RNLS: variants seen among roughly 807,000 people sequenced by gnomAD.
The protein encoded by RNLS is renalase.
A neutral mutation model predicts 39.8 loss-of-function variants in RNLS; 39 were observed. The observed-to-expected ratio is 0.98, with a 90% CI of 0.76 to 1.28. RNLS has a LOEUF of 1.28. Ranked by LOEUF, RNLS falls within the 50% of genes most tolerant of loss-of-function variation. RNLS has a pLI of 0.00. For missense variants in RNLS, 410 were observed against 413.3 expected (o/e 0.99, Z 0.07); for synonymous variants, 147 against 150.7 (o/e 0.98, Z 0.18).
intron 4 of RNLS, among the ~76,000 whole-genome samples, chr10:88,501,917 T>C (rs577168955): frequency 2.0e-5 from 3 of 152,304 alleles, no homozygotes; most frequent in South Asian, 2.1e-4. Context: ...TATAATAATA[T>C]GGAAACAGCC....
the RNLS span, among the ~76,000 whole-genome samples, chr10:88,184,443 C>A: frequency 6.6e-6 from 1 of 152,194 alleles, no homozygotes; most frequent in South Asian, 2.1e-4. Flanking sequence ...ATTGAATAAT[C>A]AGTATAGGTT....
intron 4 of RNLS, among the ~76,000 whole-genome samples, chr10:88,440,501 G>C (rs1159439050): frequency 6.6e-6 from 1 of 152,120 alleles, no homozygotes; most frequent in African/African-American, 2.4e-5. Flanking sequence ...TCATACAATG[G>C]GAAGCCCCCA....
At chr10:88,391,103 A>T (rs1419353043) in intron 4 of RNLS, among the ~76,000 whole-genome samples, 1 of 152,214 alleles carries the variant, frequency 6.6e-6, no homozygotes, top group African/African-American at 2.4e-5. Flanking sequence ...TGAAAATATA[A>T]CTGCAATAAT....
the RNLS span, among the ~76,000 whole-genome samples, chr10:88,172,978 T>TC: frequency 6.7e-6 from 1 of 148,306 alleles, no homozygotes; most frequent in Non-Finnish European, 1.5e-5. Flanking sequence ...TGCCTCAGCC[T>TC]CCCCACTAGC....
chr10:88,366,670 A>G (rs1850133187), intron 4 of RNLS, among the ~76,000 whole-genome samples: 1 of 145,824 alleles, frequency 6.9e-6, no homozygotes, highest in African/African-American at 2.5e-5. Flanking sequence ...TCTGAAAAAA[A>G]AAAAAAAAAA....
the RNLS span, among the ~76,000 whole-genome samples, chr10:88,202,242 G>A: frequency 7.3e-6 from 1 of 137,164 alleles, no homozygotes; most frequent in Non-Finnish European, 1.5e-5. Flanking sequence ...GGTGGGAATT[G>A]AACAATGAGA....
At chr10:88,225,915 A>AT in the RNLS span, among the ~76,000 whole-genome samples, 12,612 of 150,404 alleles carry the variant, frequency 0.084, 613 homozygotes, top group Non-Finnish European at 0.1. Flanking sequence ...TCAGTGTCCT[A>AT]TTTTTTTTTT....
rs192116943 is a variant in RNLS at position 88,549,459 on chromosome 10, G to A, written c.526+23444C>T. Among the ~76,000 whole-genome samples, 124 of 152,036 alleles carry A rather than the reference G, an allele frequency of 8.2e-4. 1 individual carries two copies. Among genetic ancestry groups the A allele is most frequent in the Middle Eastern group, 3.4e-3 (1 of 294 alleles). On this transcript the variant is annotated intron_variant, in intron 4 of 6. Coordinates refer to ENST00000331772, the MANE Select transcript of RNLS (RefSeq NM_001031709.3). ...TATGCACCTATAGTCCCAGCTACTC[G>A]GGAGGCTGAAGCAGGAGGATCAATT...
intron 4 of RNLS, among the ~76,000 whole-genome samples, chr10:88,446,950 C>T (rs1283301653): frequency 6.6e-6 from 1 of 152,164 alleles, no homozygotes; most frequent in African/African-American, 2.4e-5. Context: ...AGTCCTTTGA[C>T]AAAATTCAGC....
chr10:88,260,940 A>G, the RNLS span, among the ~76,000 whole-genome samples: 2 of 152,224 alleles, frequency 1.3e-5, no homozygotes, highest in African/African-American at 2.4e-5. Flanking sequence ...GACAAATACT[A>G]TATGTGCCCA....
intron 4 of RNLS, among the ~76,000 whole-genome samples, chr10:88,564,573 G>A (rs1849388855): frequency 6.6e-6 from 1 of 152,142 alleles, no homozygotes; most frequent in Admixed American, 6.6e-5. Context: ...ACACATGGAA[G>A]AGCTATGCAT....
intron 4 of RNLS, among the ~76,000 whole-genome samples, chr10:88,390,887 A>G (rs1852156440): frequency 6.6e-6 from 1 of 152,260 alleles, no homozygotes; most frequent in Non-Finnish European, 1.5e-5. Flanking sequence ...GTAATGATTT[A>G]AGCCTAGGAC....
chr10:88,198,662 A>G, the RNLS span, among the ~76,000 whole-genome samples: 2 of 152,002 alleles, frequency 1.3e-5, no homozygotes, highest in African/African-American at 4.8e-5. Context: ...GTTGTTTAAA[A>G]GTGTGTAGCA....
intron 4 of RNLS, among the ~76,000 whole-genome samples, chr10:88,513,231 T>C (rs1435242332): frequency 1.3e-5 from 2 of 152,176 alleles, no homozygotes; most frequent in Non-Finnish European, 2.9e-5. Context: ...GACATCTTTC[T>C]TATTTCACTT....
the RNLS span, among the ~76,000 whole-genome samples, chr10:88,255,871 C>G: frequency 6.6e-6 from 1 of 152,334 alleles, no homozygotes; most frequent in African/African-American, 2.4e-5. Flanking sequence ...TCAGAAATGC[C>G]AACCCAGTGG....
At position 88,314,545 on chromosome 10, in the gene RNLS, A is replaced by G; in HGVS notation, c.797T>C (p.Val266Ala). Residue 266 changes from valine to alanine, a missense_variant, in exon 6 of 7, where the codon GTC (valine) becomes GCC (alanine). Val to Ala is a moderately conservative substitution (Grantham distance 64). Transcript: ENST00000331772. ...CAAAATGTTTTCCAGCTGCTGGAAG[A>G]CTAACTCTTGCACATCCTCAATGCT... ...EHSIEDVQEL[V>A]FQQLENILPG... is the part of the protein sequence containing the mutation. 6.2e-7 allele frequency: 1 copy of G among 1,614,006 alleles called. No homozygotes were observed. The highest frequency in any genetic ancestry group is 1.1e-5 in the South Asian group (1 of 91,086).
intron 4 of RNLS, among the ~76,000 whole-genome samples, chr10:88,469,965 G>A (rs1262324835): frequency 6.6e-6 from 1 of 151,002 alleles, no homozygotes; most frequent in Non-Finnish European, 1.5e-5. Flanking sequence ...ATATACATAT[G>A]TATATCTCAT....
At chr10:88,515,857 C>G (rs1255102141) in intron 4 of RNLS, among the ~76,000 whole-genome samples, 1 of 151,878 alleles carries the variant, frequency 6.6e-6, no homozygotes, top group Non-Finnish European at 1.5e-5. Flanking sequence ...AAGCCCTAAC[C>G]CCTGGTGTCT....
At chr10:88,398,324 G>A (rs1052342284) in intron 4 of RNLS, among the ~76,000 whole-genome samples, 2 of 152,030 alleles carry the variant, frequency 1.3e-5, no homozygotes, top group African/African-American at 2.4e-5. Flanking sequence ...ATTTTAGTGG[G>A]CTTTGGAGCA....
Sources: allele counts gnomAD v4.1 joint callset (sites outside exome capture counted in the v4.1 genomes callset), GRCh38; gene constraint gnomAD v4.1.1; transcripts MANE v1.5; gene names NCBI Gene and HGNC (gene_info 2026-07-23, HGNC 2026-07-21).